Variants in STXBP6 observed in about 807,000 individuals in gnomAD.
The protein encoded by STXBP6 is syntaxin binding protein 6, also known as syntaxin-binding protein 6.
STXBP6 carries 21 observed loss-of-function variants against 26.9 expected under a neutral mutation model. That is an observed-to-expected ratio of 0.78 (90% CI 0.55 to 1.12). The LOEUF (loss-of-function observed/expected upper bound fraction) is 1.12. STXBP6 is among the 50% of genes most tolerant of loss of function. The probability of loss-of-function intolerance (pLI) is 0.00; values close to 1 mark genes in which losing one functional copy is unlikely to be tolerated. For missense variants in STXBP6, 232 were observed against 257.9 expected (o/e 0.90, Z 0.69); for synonymous variants, 97 against 92.6 (o/e 1.05, Z -0.27).
chr14:24,851,016 G>C (rs1019117467), intron 4 of STXBP6, among the ~76,000 whole-genome samples: 2 of 152,176 alleles, frequency 1.3e-5, no homozygotes, highest in East Asian at 1.9e-4. Flanking sequence ...TATCACCAAA[G>C]ATTTCTACAG....
In STXBP6 at chr14:24,958,784, A is replaced by G. The variant is rs540754426; in HGVS notation, c.154+15881T>C. Among the ~76,000 whole-genome samples, 129 of 152,300 alleles carry G rather than the reference A, an allele frequency of 8.5e-4. 1 individual carries two copies. The highest frequency in any genetic ancestry group is 3.0e-3 in the African/African-American group (124 of 41,568). On this transcript the variant is annotated intron_variant, in intron 2 of 5. Transcript: ENST00000323944. ...TAGAATGCAAAAACCAACAGAAGCCAAATTAAATGAAATCAATGTCCATTT... is the reference window on the plus strand; with the variant it reads ...TAGAATGCAAAAACCAACAGAAGCCGAATTAAATGAAATCAATGTCCATTT...
chr14:24,917,890 T>C (rs1050315226), intron 2 of STXBP6, among the ~76,000 whole-genome samples: 3 of 151,868 alleles, frequency 2.0e-5, no homozygotes, highest in African/African-American at 7.3e-5. Context: ...CAGTCACATA[T>C]CCTTGCCGGA....
chr14:24,961,859 G>A (rs939669509), intron 2 of STXBP6, among the ~76,000 whole-genome samples: 1 of 152,120 alleles, frequency 6.6e-6, no homozygotes, highest in Non-Finnish European at 1.5e-5. Context: ...GTGTTCAAAT[G>A]TTGGCTGTGA....
chr14:24,845,350 T>TA (rs1279387336), intron 4 of STXBP6, among the ~76,000 whole-genome samples: 2 of 152,074 alleles, frequency 1.3e-5, no homozygotes, highest in Non-Finnish European at 2.9e-5. Flanking sequence ...AAGAAATGTG[T>TA]AAAAAACCCA....
chr14:24,847,068 T>C (rs1286085263), intron 4 of STXBP6, among the ~76,000 whole-genome samples: 1 of 151,980 alleles, frequency 6.6e-6, no homozygotes, highest in Admixed American at 6.6e-5. Flanking sequence ...CTCCAAAGAG[T>C]GTGTATTCTG....
At chr14:24,986,035 CG>C (rs2140261413) in intron 1 of STXBP6, among the ~76,000 whole-genome samples, 1 of 152,066 alleles carries the variant, frequency 6.6e-6, no homozygotes, top group Non-Finnish European at 1.5e-5. Flanking sequence ...AGAGCAGTGC[CG>C]AATTTGTGGA....
chr14:24,969,331 G>A (rs1227140512), intron 2 of STXBP6, among the ~76,000 whole-genome samples: 2 of 152,180 alleles, frequency 1.3e-5, no homozygotes, highest in Non-Finnish European at 2.9e-5. Context: ...GATATAAAGA[G>A]TAGCATCATA....
At chr14:24,886,896 T>C (rs2070608939) in intron 2 of STXBP6, among the ~76,000 whole-genome samples, 1 of 152,210 alleles carries the variant, frequency 6.6e-6, no homozygotes, top group African/African-American at 2.4e-5. Context: ...TGTTTCTTTC[T>C]TGAATCCAAT....
At chr14:24,971,412 A>G (rs2073902744) in intron 2 of STXBP6, among the ~76,000 whole-genome samples, 1 of 152,230 alleles carries the variant, frequency 6.6e-6, no homozygotes, top group Non-Finnish European at 1.5e-5. Flanking sequence ...AATTTGGACA[A>G]AGTTTGCCAG....
chr14:24,987,390 T>C (rs75114868), intron 1 of STXBP6, among the ~76,000 whole-genome samples: 6,407 of 152,332 alleles, frequency 0.042, 212 homozygotes, highest in East Asian at 0.17. Flanking sequence ...TAAAGTAGGA[T>C]AGTACCACCC....
chr14:24,961,452 A>C (rs1341090012), intron 2 of STXBP6, among the ~76,000 whole-genome samples: 1 of 65,056 alleles, frequency 1.5e-5, no homozygotes, highest in Non-Finnish European at 2.8e-5. Context: ...AACTAAAAAC[A>C]AAAAAAAAAA....
chr14:25,047,412 C>T lies in STXBP6; in HGVS notation c.-33+2466G>A, dbSNP rs1256334432. ...CCTAAGGAGACTTCCCAACACACCC[C>T]CAAAGAAACCTTGTCTCTGTATATG... On this transcript the variant is annotated intron_variant, in intron 1 of 5. Coordinates refer to ENST00000323944, the MANE Select transcript of STXBP6 (RefSeq NM_001394410.1). Among the ~76,000 whole-genome samples, 3 of 152,198 alleles carry T rather than the reference C, an allele frequency of 2.0e-5. No homozygotes were observed. In the East Asian group the frequency reaches 5.8e-4, roughly 29 times the overall value.
intron 2 of STXBP6, among the ~76,000 whole-genome samples, chr14:24,930,980 G>A (rs1377198573): frequency 7.6e-5 from 11 of 144,654 alleles, no homozygotes; most frequent in Admixed American, 2.7e-4. Flanking sequence ...GCGCGGTGGC[G>A]GGCGCCTGTA....
chr14:24,853,075 A>G (rs971938103), intron 4 of STXBP6, among the ~76,000 whole-genome samples: 1 of 152,156 alleles, frequency 6.6e-6, no homozygotes, highest in Non-Finnish European at 1.5e-5. Flanking sequence ...TACTAACACC[A>G]GTATTAGTTC....
At chr14:24,867,776 T>TAA (rs1470523833) in intron 2 of STXBP6, among the ~76,000 whole-genome samples, 3 of 152,156 alleles carry the variant, frequency 2.0e-5, no homozygotes, top group Non-Finnish European at 4.4e-5. Context: ...TTCCTATATA[T>TAA]AACACTAAAA....
At chr14:25,016,354 C>G (rs2075147055) in intron 1 of STXBP6, among the ~76,000 whole-genome samples, 1 of 152,064 alleles carries the variant, frequency 6.6e-6, no homozygotes, top group African/African-American at 2.4e-5. Context: ...GAGTTAGCTT[C>G]CTCTTTACTT....
chr14:25,017,204 C>A (rs965061292), intron 1 of STXBP6, among the ~76,000 whole-genome samples: 1 of 152,192 alleles, frequency 6.6e-6, no homozygotes, highest in Admixed American at 6.5e-5. Context: ...AAAGGAAGGA[C>A]TTCTCACTCC....
At chr14:24,840,494 C>A (rs2068753554) in intron 4 of STXBP6, among the ~76,000 whole-genome samples, 1 of 152,198 alleles carries the variant, frequency 6.6e-6, no homozygotes, top group Admixed American at 6.5e-5. Context: ...CAGCACTGTG[C>A]CAATTTGGGC....
At chr14:24,844,571 T>C (rs966590503) in intron 4 of STXBP6, among the ~76,000 whole-genome samples, 13 of 152,114 alleles carry the variant, frequency 8.5e-5, no homozygotes, top group South Asian at 2.1e-4. Context: ...CTCCAGAGAA[T>C]TGGAGAGTTA....
Sources: gnomAD v4.1 joint callset for allele counts (sites outside exome capture counted in the v4.1 genomes callset) on GRCh38, gnomAD v4.1.1 for gene constraint, MANE v1.5 for transcripts, NCBI Gene and HGNC (gene_info 2026-07-23, HGNC 2026-07-21) for gene names.